The following RGS6 variants were observed in gnomAD, a reference collection of about 807,000 sequenced individuals.
RGS6 encodes the protein regulator of G protein signaling 6, also known as regulator of G-protein signaling 6.
In RGS6, 30 loss-of-function variants were observed where a neutral mutation model predicts 78.5. The observed-to-expected ratio is 0.38, with a 90% CI of 0.29 to 0.52. The LOEUF (loss-of-function observed/expected upper bound fraction) is 0.52. RGS6 is among the 20% of genes least tolerant of loss of function. RGS6 has a pLI of 0.85. For synonymous variants in RGS6, 206 were observed against 206.0 expected (o/e 1.00, Z 0.00); for missense variants, 495 against 609.7 (o/e 0.81, Z 1.98).
intron 13 of RGS6, among the ~76,000 whole-genome samples, chr14:72,502,666 A>G (rs1409028434): frequency 6.6e-6 from 1 of 152,206 alleles, no homozygotes; most frequent in Non-Finnish European, 1.5e-5. Flanking sequence ...CGGGAGCCTG[A>G]GGCAGGAGAA....
intron 3 of RGS6, among the ~76,000 whole-genome samples, chr14:72,414,656 A>AT (rs1450036882): frequency 6.6e-6 from 1 of 151,570 alleles, no homozygotes; most frequent in South Asian, 2.1e-4. Flanking sequence ...TAGAGTTTCC[A>AT]TTTTTTCTGC....
At chr14:72,134,394 T>C (rs1228573081) in intron 2 of RGS6, among the ~76,000 whole-genome samples, 2 of 152,260 alleles carry the variant, frequency 1.3e-5, no homozygotes, top group Non-Finnish European at 2.9e-5. Flanking sequence ...ATATTCCTTC[T>C]GGAGTTGTCT....
chr14:72,555,609 G>GTGAC (rs1404185396), intron 17 of RGS6, among the ~76,000 whole-genome samples: 2 of 152,212 alleles, frequency 1.3e-5, no homozygotes, highest in African/African-American at 2.4e-5. Context: ...TTCCTTGAGA[G>GTGAC]TGACAGCCAT....
intron 3 of RGS6, among the ~76,000 whole-genome samples, chr14:72,401,502 G>A (rs1306768604): frequency 1.3e-5 from 2 of 151,870 alleles, no homozygotes; most frequent in African/African-American, 4.8e-5. Context: ...ATATGTGTGA[G>A]ATGTTGCCCG....
At chr14:72,207,919 G>A (rs938678959) in intron 2 of RGS6, among the ~76,000 whole-genome samples, 2 of 152,176 alleles carry the variant, frequency 1.3e-5, no homozygotes, top group African/African-American at 2.4e-5. Flanking sequence ...TTAATTGGAG[G>A]AAGTGAATGA....
the RGS6 span, among the ~76,000 whole-genome samples, chr14:71,887,459 G>C: frequency 6.6e-6 from 1 of 152,118 alleles, no homozygotes; most frequent in East Asian, 1.9e-4. Context: ...AAGTAGGAGA[G>C]ATATCCCTAA....
chr14:72,531,431 CAAAA>C (rs58751762), intron 15 of RGS6, among the ~76,000 whole-genome samples: 2 of 66,722 alleles, frequency 3.0e-5, no homozygotes, highest in Admixed American at 1.6e-4. Flanking sequence ...GACTTTATCT[CAAAA>C]AAAAAAAAAA....
Position 72,117,742 on chromosome 14 carries a change from C to T in RGS6, c.84+152867C>T, listed in dbSNP as rs904829243. On this transcript the variant is annotated intron_variant, in intron 2 of 17. Coordinates refer to ENST00000553525, the MANE Select transcript of RGS6 (RefSeq NM_001204424.2). ...AGGGCAGTCATGGGAGAGATGTGAT[C>T]GGGGAGTGATGCAATCTGATTTATG... 7.2e-5 allele frequency among the ~76,000 whole-genome samples: 11 copies of T among 152,058 alleles called. 1 individual carries two copies. In the South Asian group the frequency reaches 8.3e-4, roughly 12 times the overall value.
intron 2 of RGS6, among the ~76,000 whole-genome samples, chr14:72,080,239 G>A (rs1050369570): frequency 5.3e-5 from 8 of 152,040 alleles, no homozygotes; most frequent in Non-Finnish European, 1.0e-4. Flanking sequence ...CAGGTGTGAA[G>A]TGATATCTCA....
intron 2 of RGS6, among the ~76,000 whole-genome samples, chr14:72,057,946 A>G (rs1316794221): frequency 6.6e-6 from 1 of 152,126 alleles, no homozygotes; most frequent in Non-Finnish European, 1.5e-5. Context: ...TTTGAATTCT[A>G]CTTCAGGATC....
the RGS6 span, chr14:72,619,922 C>T: frequency 7.2e-6 from 11 of 1,533,834 alleles, no homozygotes; most frequent in Non-Finnish European, 9.6e-6. Flanking sequence ...GCTCAGCCAC[C>T]GGGGGATTTA....
intron 3 of RGS6, among the ~76,000 whole-genome samples, chr14:72,445,958 C>G (rs1004818616): frequency 2.6e-5 from 4 of 152,074 alleles, no homozygotes; most frequent in African/African-American, 9.7e-5. Flanking sequence ...GACTGGTAGT[C>G]TTATTAAAGG....
the RGS6 span, among the ~76,000 whole-genome samples, chr14:71,922,031 C>T: frequency 6.6e-6 from 1 of 152,134 alleles, no homozygotes; most frequent in Non-Finnish European, 1.5e-5. Flanking sequence ...ATTTTTTATT[C>T]CTAGTCCCCA....
intron 1 of RGS6, among the ~76,000 whole-genome samples, chr14:71,943,744 A>G (rs2091025974): frequency 6.6e-6 from 1 of 152,198 alleles, no homozygotes. Context: ...GAGCAAGCCC[A>G]TGTTTTTTCT....
intron 2 of RGS6, among the ~76,000 whole-genome samples, chr14:72,225,424 G>C (rs2047899657): frequency 6.6e-6 from 1 of 152,102 alleles, no homozygotes; most frequent in Non-Finnish European, 1.5e-5. Flanking sequence ...CCTGGGCTCA[G>C]GTGATCCTCC....
At chr14:72,466,418 C>T (rs535613367) in intron 7 of RGS6, among the ~76,000 whole-genome samples, 1 of 152,224 alleles carries the variant, frequency 6.6e-6, no homozygotes, top group Non-Finnish European at 1.5e-5. Flanking sequence ...CATGTTCACA[C>T]AAACACCTAT....
At chr14:72,507,000 A>G (rs2096812957) in intron 13 of RGS6, among the ~76,000 whole-genome samples, 2 of 120,572 alleles carry the variant, frequency 1.7e-5, no homozygotes, top group South Asian at 4.6e-4. Flanking sequence ...AAAAAAAAAA[A>G]AAAAAAAAAA....
intron 2 of RGS6, among the ~76,000 whole-genome samples, chr14:72,269,134 G>GT (rs957769632): frequency 2.3e-5 from 1 of 43,016 alleles, no homozygotes; most frequent in African/African-American, 6.6e-5. Context: ...TATTACCTCC[G>GT]CCCCCCCACC....
At chr14:71,893,078 G>C in the RGS6 span, among the ~76,000 whole-genome samples, 79,872 of 152,156 alleles carry the variant, frequency 0.52, 24,083 homozygotes, top group Non-Finnish European at 0.68. Flanking sequence ...GTTTTTATCT[G>C]TACTTTAGAG....
Sources: gnomAD v4.1 joint callset for allele counts (sites outside exome capture counted in the v4.1 genomes callset) on GRCh38, gnomAD v4.1.1 for gene constraint, MANE v1.5 for transcripts, NCBI Gene and HGNC (gene_info 2026-07-23, HGNC 2026-07-21) for gene names.